Variants in ADAMTSL1 observed in about 807,000 individuals in gnomAD.
The protein encoded by ADAMTSL1 is ADAMTS like 1.
In ADAMTSL1, 126 loss-of-function variants were observed where a neutral mutation model predicts 201.8. The observed-to-expected ratio is 0.62, with a 90% CI of 0.54 to 0.72. ADAMTSL1 has a LOEUF of 0.72. ADAMTSL1 is among the 30% of genes least tolerant of loss of function. The probability of loss-of-function intolerance (pLI) is 0.00; values close to 1 mark genes in which losing one functional copy is unlikely to be tolerated. For missense variants in ADAMTSL1, 2,679 were observed against 2,277.8 expected (o/e 1.18, Z -3.59); for synonymous variants, 1,121 against 903.4 (o/e 1.24, Z -4.32).
chr9:18,908,048 T>G (rs541370413), intron 28 of ADAMTSL1: 3 of 246,770 alleles, frequency 1.2e-5, no homozygotes, highest in Admixed American at 5.2e-5. Flanking sequence ...AGGAGGAGAG[T>G]CATTTACTTA....
At chr9:18,600,427 C>T (rs1268211933) in intron 4 of ADAMTSL1, among the ~76,000 whole-genome samples, 1 of 152,108 alleles carries the variant, frequency 6.6e-6, no homozygotes, top group African/African-American at 2.4e-5. Context: ...TCTGTCTGAC[C>T]CTATAGCCTG....
intron 14 of ADAMTSL1, chr9:18,718,211 A>C: frequency 1.3e-6 from 1 of 773,396 alleles, no homozygotes; most frequent in Non-Finnish European, 2.4e-6. Flanking sequence ...GAACATCATC[A>C]GTGTCTTTAA....
At chr9:18,393,226 C>G (rs190080847) in intron 2 of ADAMTSL1, among the ~76,000 whole-genome samples, 4 of 152,292 alleles carry the variant, frequency 2.6e-5, no homozygotes, top group African/African-American at 9.6e-5. Flanking sequence ...TACACATACA[C>G]AGTATGCTGG....
chr9:18,282,640 G>T (rs1377971551), intron 2 of ADAMTSL1, among the ~76,000 whole-genome samples: 1 of 152,228 alleles, frequency 6.6e-6, no homozygotes, highest in African/African-American at 2.4e-5. Context: ...GCTCACGCCT[G>T]TAATCCTAGC....
intron 1 of ADAMTSL1, among the ~76,000 whole-genome samples, chr9:18,066,500 A>G (rs1011311999): frequency 1.4e-4 from 22 of 152,214 alleles, no homozygotes; most frequent in African/African-American, 5.3e-4. Context: ...ATGTGTACCT[A>G]TATATACAGA....
chr9:18,380,617 C>T (rs1345210037), intron 2 of ADAMTSL1, among the ~76,000 whole-genome samples: 1 of 152,136 alleles, frequency 6.6e-6, no homozygotes, highest in Non-Finnish European at 1.5e-5. Context: ...ACACATGAGG[C>T]AAAGAGCAGT....
intron 23 of ADAMTSL1, among the ~76,000 whole-genome samples, chr9:18,860,408 G>A (rs1401788075): frequency 2.0e-5 from 3 of 151,982 alleles, no homozygotes; most frequent in African/African-American, 4.8e-5. Context: ...ATTTGTTTAT[G>A]TATTGTCTAT....
At position 18,156,473 on chromosome 9, in the gene ADAMTSL1, A is replaced by G. The variant is rs563553081; in HGVS notation, c.88-7389A>G. Reference sequence around the variant, plus strand: ...ACATTTGCCAAGTGTACAATCCAAAAAGGTTGATTTCTACCCCTGCATGTG... The same window carrying G: ...ACATTTGCCAAGTGTACAATCCAAAGAGGTTGATTTCTACCCCTGCATGTG... On this transcript the variant is annotated intron_variant, in intron 1 of 29. Coordinates refer to the ADAMTSL1 transcript ENST00000680146. Among the ~76,000 whole-genome samples the G allele has an allele frequency of 2.0e-5, 3 of 152,118 alleles. No individual in the cohort carries two copies. In the East Asian group the frequency reaches 5.8e-4, roughly 30 times the overall value.
At chr9:18,056,812 C>G (rs952509177) in intron 1 of ADAMTSL1, among the ~76,000 whole-genome samples, 4 of 152,124 alleles carry the variant, frequency 2.6e-5, no homozygotes, top group Non-Finnish European at 5.9e-5. Context: ...TGGGTTTCTG[C>G]CCAACTTCTC....
chr9:18,368,406 G>A (rs1440963663), intron 2 of ADAMTSL1, among the ~76,000 whole-genome samples: 1 of 152,206 alleles, frequency 6.6e-6, no homozygotes, highest in Non-Finnish European at 1.5e-5. Context: ...TGCGGTCCAT[G>A]ACTGGGACAA....
chr9:18,256,360 C>G (rs578008062), intron 2 of ADAMTSL1, among the ~76,000 whole-genome samples: 178 of 152,232 alleles, frequency 1.2e-3, no homozygotes, highest in African/African-American at 4.1e-3. Context: ...AACTTAGACC[C>G]TTGAACTCCT....
chr9:18,416,958 A>G (rs913449948), intron 2 of ADAMTSL1, among the ~76,000 whole-genome samples: 2 of 152,082 alleles, frequency 1.3e-5, no homozygotes, highest in Non-Finnish European at 2.9e-5. Context: ...ATATTCAGTC[A>G]GAATACACAT....
chr9:18,183,130 G>A (rs1053804882), intron 2 of ADAMTSL1, among the ~76,000 whole-genome samples: 8 of 152,210 alleles, frequency 5.3e-5, no homozygotes, highest in African/African-American at 1.9e-4. Flanking sequence ...ACACAGTGAA[G>A]TAAAGACAGT....
chr9:18,155,624 C>G (rs1563772741), intron 1 of ADAMTSL1, among the ~76,000 whole-genome samples: 1 of 152,014 alleles, frequency 6.6e-6, no homozygotes, highest in Non-Finnish European at 1.5e-5. Context: ...CAAGACAATT[C>G]TTCTTCCATG....
intron 6 of ADAMTSL1, among the ~76,000 whole-genome samples, chr9:18,637,515 A>G (rs950107491): frequency 6.6e-6 from 1 of 152,196 alleles, no homozygotes; most frequent in African/African-American, 2.4e-5. Context: ...TAGATTTCAT[A>G]ATTATGTGAT....
intron 1 of ADAMTSL1, among the ~76,000 whole-genome samples, chr9:18,092,453 G>C (rs1181801303): frequency 6.6e-6 from 1 of 152,166 alleles, no homozygotes; most frequent in Admixed American, 6.6e-5. Context: ...ACATGTATTT[G>C]TTCCAAAGTC....
chr9:18,814,495 G>A (rs762872330), intron 20 of ADAMTSL1, among the ~76,000 whole-genome samples: 13 of 152,118 alleles, frequency 8.5e-5, no homozygotes, highest in Admixed American at 1.3e-4. Context: ...TTCAGAATAC[G>A]TAAGGAACTC....
In ADAMTSL1 at chr9:18,554,611, C is replaced by T. The variant is rs990607316; in HGVS notation, c.238-19419C>T. 4.6e-5 allele frequency among the ~76,000 whole-genome samples: 7 copies of T among 151,682 alleles called. No individual in the cohort carries two copies. In the South Asian group the frequency reaches 8.3e-4, roughly 18 times the overall value. On this transcript the variant is annotated intron_variant, in intron 3 of 28. Coordinates refer to ENST00000380548, the MANE Select transcript of ADAMTSL1 (RefSeq NM_001040272.6). ...GAAACTTCTACCCCCAACCTTTACC[C>T]GTAGCCAACCTGAGATAAGCAAGTT...
At chr9:17,907,108 G>A (rs1404127161) in intron 1 of ADAMTSL1, among the ~76,000 whole-genome samples, 1 of 152,184 alleles carries the variant, frequency 6.6e-6, no homozygotes, top group African/African-American at 2.4e-5. Flanking sequence ...GGGGTCGATC[G>A]GGTCGATCTC....
Sources: gnomAD v4.1 joint callset for allele counts (sites outside exome capture counted in the v4.1 genomes callset) on GRCh38, gnomAD v4.1.1 for gene constraint, MANE v1.5 for transcripts, NCBI Gene and HGNC (gene_info 2026-07-23, HGNC 2026-07-21) for gene names.